SPNS3: variants seen among roughly 807,000 people sequenced by gnomAD.
SPNS3 encodes SPNS lysolipid transporter 3, sphingosine-1-phosphate (putative).
Under a neutral mutation model 54.4 loss-of-function variants are expected in SPNS3, and 51 were observed. The observed-to-expected ratio is 0.94, with a 90% CI of 0.75 to 1.18. The LOEUF (loss-of-function observed/expected upper bound fraction) is 1.18. Ranked by LOEUF, SPNS3 falls within the 50% of genes most tolerant of loss-of-function variation. SPNS3 has a pLI of 0.00. For synonymous variants in SPNS3, 309 were observed against 294.7 expected (o/e 1.05, Z -0.50); for missense variants, 669 against 677.4 (o/e 0.99, Z 0.14).
intron 8 of SPNS3, among the ~76,000 whole-genome samples, chr17:4,469,683 A>T (rs1474808383): frequency 1.3e-5 from 2 of 150,896 alleles, no homozygotes; most frequent in South Asian, 2.1e-4. Flanking sequence ...AGAGAGGTCC[A>T]GGCTGGTTAT....
At chr17:4,473,058 G>A (rs941203458) in intron 8 of SPNS3, among the ~76,000 whole-genome samples, 37 of 151,908 alleles carry the variant, frequency 2.4e-4, no homozygotes, top group African/African-American at 8.5e-4. Context: ...CAAAGTGTTG[G>A]GATTATAGGT....
chr17:4,465,561 C>T (rs1971655597), intron 8 of SPNS3, among the ~76,000 whole-genome samples: 1 of 152,010 alleles, frequency 6.6e-6, no homozygotes, highest in African/African-American at 2.4e-5. Flanking sequence ...AACCCCGAGG[C>T]TACAAAAATA....
chr17:4,438,095 G>C (rs1970760044), intron 1 of SPNS3, among the ~76,000 whole-genome samples: 1 of 152,186 alleles, frequency 6.6e-6, no homozygotes, highest in Non-Finnish European at 1.5e-5. Flanking sequence ...CCCTGAGCAA[G>C]GATTTTTTGC....
At chr17:4,447,206 CCTT>C (rs1176001220) in intron 5 of SPNS3, among the ~76,000 whole-genome samples, 2 of 152,132 alleles carry the variant, frequency 1.3e-5, no homozygotes, top group African/African-American at 2.4e-5. Context: ...AAGCAGATCA[CCTT>C]CTTCTTCAGA....
chr17:4,463,681 G>C (rs1214606291), intron 8 of SPNS3, among the ~76,000 whole-genome samples: 1 of 134,042 alleles, frequency 7.5e-6, no homozygotes, highest in Non-Finnish European at 1.7e-5. Context: ...GGAGGTTGCA[G>C]TGAGCCGAAA....
At position 4,446,829 on chromosome 17, in the gene SPNS3, C is replaced by T. The variant is rs1480098989; in HGVS notation, c.555-67C>T. 6 of 1,477,958 alleles carry T rather than the reference C, an allele frequency of 4.1e-6. No homozygotes were observed. In the East Asian group the frequency reaches 1.4e-4, roughly 33 times the overall value. 91.6% of individuals were successfully genotyped at this position (1,477,958 alleles called of 1,614,324 possible). ...CGTGGGGGGGGCACCCTGGGTCAGG[C>T]TGGTGGTGGGGTCTGCCTTCCGCCT... On this transcript the variant is annotated intron_variant, in intron 4 of 11. Coordinates refer to ENST00000355530, the MANE Select transcript of SPNS3 (RefSeq NM_182538.5).
At chr17:4,468,163 G>A (rs1971733890) in intron 8 of SPNS3, among the ~76,000 whole-genome samples, 1 of 152,200 alleles carries the variant, frequency 6.6e-6, no homozygotes, top group Non-Finnish European at 1.5e-5. Flanking sequence ...AGGACAGGCT[G>A]GGCGTGGAGG....
intron 5 of SPNS3, among the ~76,000 whole-genome samples, 184 bp from the exon 6 acceptor site, chr17:4,447,971 T>C (rs564472990): frequency 3.9e-4 from 60 of 152,284 alleles, no homozygotes; most frequent in African/African-American, 1.3e-3. Context: ...TGGTGAGGGC[T>C]GAGAAACAGT....
At chr17:4,456,712 GT>G (rs77582870) in intron 8 of SPNS3, among the ~76,000 whole-genome samples, 2 of 147,788 alleles carry the variant, frequency 1.4e-5, no homozygotes, top group African/African-American at 2.5e-5. Flanking sequence ...TTGTTTTTGT[GT>G]TTTTTTTGGT....
intron 5 of SPNS3, among the ~76,000 whole-genome samples, chr17:4,447,910 C>T (rs533109564): frequency 2.0e-5 from 3 of 152,154 alleles, no homozygotes; most frequent in South Asian, 2.1e-4. Context: ...ACTGGAAAGA[C>T]GGGAATTACA....
chr17:4,455,492 G>T (rs1971285293), intron 8 of SPNS3, among the ~76,000 whole-genome samples: 1 of 152,182 alleles, frequency 6.6e-6, no homozygotes, highest in Non-Finnish European at 1.5e-5. Context: ...GCGTTTTGGG[G>T]TCTCTGGCCC....
chr17:4,460,577 G>A (rs866748626), intron 8 of SPNS3, among the ~76,000 whole-genome samples: 15 of 150,758 alleles, frequency 9.9e-5, no homozygotes, highest in African/African-American at 3.4e-4. Context: ...GACTACAGGC[G>A]CCTGCTACCA....
intron 8 of SPNS3, among the ~76,000 whole-genome samples, chr17:4,478,202 C>T (rs553234215): frequency 7.9e-5 from 12 of 151,942 alleles, no homozygotes; most frequent in African/African-American, 2.9e-4. Flanking sequence ...GAACTCCTGA[C>T]CTCAAGTGAT....
chr17:4,440,501 C>T (rs1970822567), intron 2 of SPNS3, among the ~76,000 whole-genome samples: 1 of 152,158 alleles, frequency 6.6e-6, no homozygotes, highest in African/African-American at 2.4e-5. Context: ...GTTACATGAA[C>T]ACAGAGAGTT....
chr17:4,452,528 C>T (rs1384534407), intron 7 of SPNS3, among the ~76,000 whole-genome samples: 4 of 151,844 alleles, frequency 2.6e-5, no homozygotes, highest in East Asian at 1.9e-4. Context: ...GGAGGGAGGG[C>T]GTGTAGAGAG....
At chr17:4,458,648 TC>T in intron 8 of SPNS3, among the ~76,000 whole-genome samples, 12 of 140,858 alleles carry the variant, frequency 8.5e-5, no homozygotes, top group South Asian at 2.2e-4. Context: ...TTTCTTTCTT[TC>T]CTTCCTTCTT....
chr17:4,481,590 TAGGTCAG>T (rs1972151807), intron 9 of SPNS3, among the ~76,000 whole-genome samples: 2 of 152,208 alleles, frequency 1.3e-5, no homozygotes, highest in African/African-American at 4.8e-5. Context: ...GCCTGTGGGT[TAGGTCAG>T]AGGGCAGAGG....
chr17:4,477,849 G>A (rs1226658341), intron 8 of SPNS3, among the ~76,000 whole-genome samples: 3 of 152,164 alleles, frequency 2.0e-5, no homozygotes, highest in Non-Finnish European at 2.9e-5. Context: ...CACGCTGGCT[G>A]GCACACGGTA....
intron 8 of SPNS3, among the ~76,000 whole-genome samples, chr17:4,478,328 C>G (rs1972064087): frequency 6.6e-6 from 1 of 152,124 alleles, no homozygotes; most frequent in African/African-American, 2.4e-5. Flanking sequence ...GCTGCTTCCT[C>G]CTGGGCCCCA....
Sources: allele counts gnomAD v4.1 joint callset (sites outside exome capture counted in the v4.1 genomes callset), GRCh38; gene constraint gnomAD v4.1.1; transcripts MANE v1.5; gene names NCBI Gene and HGNC (gene_info 2026-07-23, HGNC 2026-07-21).